The following CAMTA1 variants were observed in gnomAD, a reference collection of about 807,000 sequenced individuals.
CAMTA1 encodes calmodulin-binding transcription activator 1.
In CAMTA1, 27 loss-of-function variants were observed where a neutral mutation model predicts 170.9. The ratio of observed to expected loss-of-function variants is 0.16; its 90% confidence interval spans 0.12 to 0.22. The LOEUF is 0.22. Ranked by LOEUF, CAMTA1 falls within the 10% of genes least tolerant of loss-of-function variation. The pLI is 1.00. For missense variants in CAMTA1, 1,619 were observed against 2,217.2 expected (o/e 0.73, Z 5.42); for synonymous variants, 833 against 891.5 (o/e 0.93, Z 1.17).
chr1:7,720,030 G>A (rs1210305467), intron 11 of CAMTA1, among the ~76,000 whole-genome samples: 1 of 152,192 alleles, frequency 6.6e-6, no homozygotes, highest in African/African-American at 2.4e-5. Flanking sequence ...ACCTGCCAAG[G>A]CAAAACTTTT....
At chr1:7,139,608 C>T (rs1645777112) in intron 4 of CAMTA1, among the ~76,000 whole-genome samples, 1 of 152,112 alleles carries the variant, frequency 6.6e-6, no homozygotes, top group Non-Finnish European at 1.5e-5. Context: ...ACAGTTTTCC[C>T]TTTCCTCCTG....
intron 5 of CAMTA1, among the ~76,000 whole-genome samples, chr1:7,365,537 G>A (rs1340776392): frequency 6.6e-6 from 1 of 152,162 alleles, no homozygotes; most frequent in Non-Finnish European, 1.5e-5. Flanking sequence ...CCCCGCGCCT[G>A]GGTGTGGACT....
chr1:7,279,352 TCTC>T (rs1239049163), intron 5 of CAMTA1, among the ~76,000 whole-genome samples: 5 of 152,132 alleles, frequency 3.3e-5, no homozygotes, highest in Non-Finnish European at 5.9e-5. Context: ...CTGTTTCTCT[TCTC>T]CTTATTTTTC....
chr1:7,446,957 A>T (rs1156708354), intron 5 of CAMTA1, among the ~76,000 whole-genome samples: 1 of 151,980 alleles, frequency 6.6e-6, no homozygotes, highest in East Asian at 1.9e-4. Context: ...CGTCTTTCTT[A>T]CCTCCCAGGT....
intron 3 of CAMTA1, among the ~76,000 whole-genome samples, chr1:7,003,343 G>T: frequency 6.6e-6 from 1 of 152,266 alleles, no homozygotes; most frequent in East Asian, 1.9e-4. Context: ...GCATTTTGCA[G>T]AGGTTAGTAT....
At chr1:6,911,465 G>C (rs1324835242) in intron 3 of CAMTA1, among the ~76,000 whole-genome samples, 2 of 152,174 alleles carry the variant, frequency 1.3e-5, no homozygotes, top group Non-Finnish European at 2.9e-5. Context: ...GAAAACAAAG[G>C]CCCTGTGCAG....
intron 3 of CAMTA1, among the ~76,000 whole-genome samples, chr1:7,087,772 G>A (rs891352445): frequency 5.3e-5 from 8 of 152,246 alleles, no homozygotes; most frequent in Non-Finnish European, 7.3e-5. Flanking sequence ...TCCTAGGGCA[G>A]TACCTCCACC....
At chr1:7,229,306 G>A (rs933867006) in intron 4 of CAMTA1, among the ~76,000 whole-genome samples, 1 of 150,640 alleles carries the variant, frequency 6.6e-6, no homozygotes. Flanking sequence ...CCAGGGAGCC[G>A]GGAAAGTGAG....
At chr1:7,498,308 G>A (rs1344654637) in intron 6 of CAMTA1, among the ~76,000 whole-genome samples, 2 of 151,652 alleles carry the variant, frequency 1.3e-5, no homozygotes, top group African/African-American at 4.8e-5. Flanking sequence ...CAGTGAGTGT[G>A]GATGTGTGTG....
chr1:7,152,842 C>T (rs1326985551), intron 4 of CAMTA1, among the ~76,000 whole-genome samples: 3 of 152,210 alleles, frequency 2.0e-5, no homozygotes, highest in Non-Finnish European at 2.9e-5. Context: ...TGGTGCTCGA[C>T]CCTAACCTTT....
intron 4 of CAMTA1, among the ~76,000 whole-genome samples, chr1:7,199,323 G>A (rs1276917694): frequency 1.3e-5 from 2 of 152,242 alleles, no homozygotes; most frequent in African/African-American, 4.8e-5. Flanking sequence ...GAGGGTAAAA[G>A]GGAGCCAGGC....
chr1:7,187,993 G>A (rs1333912411), intron 4 of CAMTA1, among the ~76,000 whole-genome samples: 1 of 152,180 alleles, frequency 6.6e-6, no homozygotes, highest in Non-Finnish European at 1.5e-5. Flanking sequence ...GCATGGCTGG[G>A]GAGGCCTCAG....
chr1:6,921,421 G>T (rs911267006), intron 3 of CAMTA1, among the ~76,000 whole-genome samples: 2 of 152,212 alleles, frequency 1.3e-5, no homozygotes, highest in African/African-American at 4.8e-5. Context: ...TCTCTAGGAA[G>T]TTCCAAACTT....
intron 3 of CAMTA1, among the ~76,000 whole-genome samples, chr1:7,047,053 CAT>C (rs1705497122): frequency 1.3e-5 from 2 of 152,126 alleles, no homozygotes; most frequent in South Asian, 4.1e-4. Flanking sequence ...GCAGAAGTGA[CAT>C]GTGTGGTTTG....
intron 3 of CAMTA1, among the ~76,000 whole-genome samples, chr1:6,929,294 C>T (rs983182593): frequency 1.3e-5 from 2 of 152,210 alleles, no homozygotes; most frequent in African/African-American, 4.8e-5. Context: ...ATTCTCCTGC[C>T]TCAGCTTCCC....
intron 3 of CAMTA1, among the ~76,000 whole-genome samples, chr1:6,871,198 T>G (rs1424882601): frequency 3.3e-5 from 5 of 152,044 alleles, no homozygotes; most frequent in African/African-American, 1.2e-4. Context: ...GCAAGTTATT[T>G]TGCTTAAAAT....
intron 3 of CAMTA1, among the ~76,000 whole-genome samples, chr1:6,988,597 C>T (rs1695768213): frequency 6.6e-6 from 1 of 151,994 alleles, no homozygotes; most frequent in Non-Finnish European, 1.5e-5. Context: ...TTTGGATTCC[C>T]CCCCACCCCC....
intron 3 of CAMTA1, among the ~76,000 whole-genome samples, chr1:6,966,206 G>A (rs548894447): frequency 5.9e-5 from 9 of 151,992 alleles, no homozygotes; most frequent in East Asian, 1.9e-4. Context: ...AACATATCAC[G>A]CAATTTACTC....
At chr1:7,688,688 G>C (rs2096279446) in intron 11 of CAMTA1, among the ~76,000 whole-genome samples, 1 of 152,190 alleles carries the variant, frequency 6.6e-6, no homozygotes, top group Non-Finnish European at 1.5e-5. Context: ...CCAATGCTCA[G>C]CCTCTAACTG....
Sources: gnomAD v4.1 joint callset for allele counts (sites outside exome capture counted in the v4.1 genomes callset) on GRCh38, gnomAD v4.1.1 for gene constraint, MANE v1.5 for transcripts, NCBI Gene and HGNC (gene_info 2026-07-23, HGNC 2026-07-21) for gene names.